BICRAL: variants seen among roughly 807,000 people sequenced by gnomAD.
BICRAL encodes BICRA like chromatin remodeling complex associated protein.
Under a neutral mutation model 91.8 loss-of-function variants are expected in BICRAL, and 8 were observed. That is an observed-to-expected ratio of 0.09 (90% confidence interval 0.05 to 0.16). BICRAL has a LOEUF of 0.16. BICRAL is among the 10% of genes least tolerant of loss of function. The pLI is 1.00. For synonymous variants in BICRAL, 445 were observed against 491.1 expected (o/e 0.91, Z 1.24); for missense variants, 1,038 against 1,310.9 (o/e 0.79, Z 3.21).
At chr6:42,841,627 T>C (rs1286525896) in intron 6 of BICRAL, among the ~76,000 whole-genome samples, 1 of 152,198 alleles carries the variant, frequency 6.6e-6, no homozygotes, top group Non-Finnish European at 1.5e-5. Flanking sequence ...TAGATGTTCT[T>C]GTTTTCTTCT....
chr6:42,852,390 G>A (rs781361079), intron 7 of BICRAL, 193 bp downstream of exon 7: 32 of 677,152 alleles, frequency 4.7e-5, no homozygotes, highest in South Asian at 3.2e-4. Context: ...GGCCGGGCAC[G>A]GTGGCTCACG....
chr6:42,828,369 C>G, intron 5 of BICRAL, 124 bp from the exon 6 acceptor site: 2 of 815,712 alleles, frequency 2.5e-6, no homozygotes, highest in Non-Finnish European at 3.7e-6. Flanking sequence ...CCACTGCACT[C>G]CAGCCTGGGT....
intron 6 of BICRAL, among the ~76,000 whole-genome samples, chr6:42,848,935 C>T (rs1765098651): frequency 2.6e-5 from 4 of 152,176 alleles, no homozygotes; most frequent in Admixed American, 2.6e-4. Context: ...GGGAACTTCC[C>T]ATACTACAGT....
At chr6:42,746,843 G>C (rs535793231), upstream of BICRAL, 2 of 152,346 alleles carry the variant, frequency 1.3e-5, no homozygotes, top group Admixed American at 1.3e-4. Flanking sequence ...ACTGCAACCT[G>C]GTTCGAGGGG....
chr6:42,807,219 T>A (rs1763733356), intron 1 of BICRAL, among the ~76,000 whole-genome samples: 1 of 152,046 alleles, frequency 6.6e-6, no homozygotes, highest in South Asian at 2.1e-4. Context: ...AGAGTCTCAC[T>A]GTCACCGAGG....
chr6:42,782,478 G>A lies in BICRAL; in HGVS notation c.-102+377G>A, dbSNP rs1037040220. Among the ~76,000 whole-genome samples the A allele has an allele frequency of 6.0e-5, 9 of 151,096 alleles. No homozygotes were observed. In the East Asian group the frequency reaches 1.8e-3, roughly 29 times the overall value. ...CCGGGAAGACCAAGTTCAGTGTCTC[G>A]GGCGGGGGCGCAGGCGGGCAGGGGG... On this transcript the variant is annotated intron_variant, in intron 1 of 12. Coordinates refer to ENST00000314073, the MANE Select transcript of BICRAL (RefSeq NM_001393499.1).
At chr6:42,858,650 T>G (rs1765461418) in intron 10 of BICRAL, among the ~76,000 whole-genome samples, 2 of 150,072 alleles carry the variant, frequency 1.3e-5, no homozygotes, top group South Asian at 4.2e-4. Context: ...AAACCCTGTG[T>G]CTACTAAAAA....
At chr6:42,752,718 C>G (rs1762398532) in intron 1 of BICRAL, among the ~76,000 whole-genome samples, 1 of 151,896 alleles carries the variant, frequency 6.6e-6, no homozygotes. Flanking sequence ...ATTATCCTGC[C>G]CCAGCCTCCT....
chr6:42,790,509 T>C (rs888253634), intron 1 of BICRAL, among the ~76,000 whole-genome samples: 9 of 135,140 alleles, frequency 6.7e-5, no homozygotes, highest in Admixed American at 1.4e-4. Context: ...TAATGTCAAA[T>C]GGAAGTATGT....
rs549215687 is a variant in BICRAL, at chr6:42,788,181, T to TAATCCAGA, written c.-102+6082_-102+6089dup. On this transcript the variant is annotated intron_variant, in intron 1 of 12. Coordinates refer to ENST00000314073, the MANE Select transcript of BICRAL (RefSeq NM_001393499.1). ...GAATATTTAATAGAGAAGGTGAGAC[T>TAATCCAGA]AATCCAGAAGAGAGACCAAGACTAC... Among the ~76,000 whole-genome samples the TAATCCAGA allele has an allele frequency of 4.3e-3, 643 of 150,558 alleles. 3 individuals carry two copies. Among genetic ancestry groups the TAATCCAGA allele is most frequent in the Non-Finnish European group, 7.3e-3 (491 of 67,702 alleles).
Position 42,862,537 on chromosome 6 carries a change from A to G in BICRAL, c.2377A>G (p.Met793Val), listed in dbSNP as rs1219758469. The change falls in exon 12 of 13, where the codon ATG (methionine) becomes GTG (valine). Residue 793 changes from methionine (M) to valine (V), a missense_variant. Coordinates refer to ENST00000314073, the MANE Select transcript of BICRAL (RefSeq NM_001393499.1). ...MRINPSAEMV[M>V]IDRMFNQEER... is the part of the protein sequence containing the mutation. ...AATCAATCCCTCTGCTGAGATGGTG[A>G]TGATCGATAGGATGTTCAACCAGGA... 1 of 1,610,554 alleles carries G rather than the reference A, an allele frequency of 6.2e-7. No individual in the cohort carries two copies. The highest frequency in any genetic ancestry group is 8.5e-7 in the Non-Finnish European group (1 of 1,176,826).
chr6:42,815,984 CAAAAAAAAA>C (rs746928245), intron 2 of BICRAL, among the ~76,000 whole-genome samples: 2,236 of 39,278 alleles, frequency 0.057, 52 homozygotes, highest in Non-Finnish European at 0.068. Context: ...AACTCTGTCT[CAAAAAAAAA>C]AAAAAAAAAA....
chr6:42,801,264 A>AAG (rs1204391781), intron 1 of BICRAL, among the ~76,000 whole-genome samples: 1 of 151,826 alleles, frequency 6.6e-6, no homozygotes, highest in East Asian at 1.9e-4. Flanking sequence ...AAAAAAAAAA[A>AAG]AAAGAGAGCG....
chr6:42,747,802 TTTG>T, intron 1 of BICRAL, among the ~76,000 whole-genome samples: 1 of 143,964 alleles, frequency 6.9e-6, no homozygotes, highest in Non-Finnish European at 1.5e-5. Flanking sequence ...TTTGTTTTAT[TTTG>T]TTTTTTTTTT....
intron 6 of BICRAL, among the ~76,000 whole-genome samples, chr6:42,851,470 A>C (rs900923641): frequency 1.3e-5 from 2 of 152,226 alleles, no homozygotes; most frequent in African/African-American, 2.4e-5. Flanking sequence ...ATAGAAAAGA[A>C]ACACACAACA....
chr6:42,819,428 G>A (rs1562477529), intron 2 of BICRAL, among the ~76,000 whole-genome samples: 1 of 152,084 alleles, frequency 6.6e-6, no homozygotes, highest in African/African-American at 2.4e-5. Flanking sequence ...TGGGACTACA[G>A]GCAAGTGCCA....
At chr6:42,746,635 T>C (rs926598231), upstream of BICRAL, among the ~76,000 whole-genome samples, 1 of 151,894 alleles carries the variant, frequency 6.6e-6, no homozygotes, top group Non-Finnish European at 1.5e-5. Flanking sequence ...GCCGCTTGCA[T>C]GCCTCCGGTT....
intron 1 of BICRAL, among the ~76,000 whole-genome samples, chr6:42,806,307 C>T (rs756403481): frequency 4.1e-4 from 62 of 152,122 alleles, no homozygotes; most frequent in Non-Finnish European, 7.9e-4. Flanking sequence ...AACCCAGATT[C>T]CAGATGAATC....
chr6:42,856,079 C>T (rs1765342077), intron 9 of BICRAL, among the ~76,000 whole-genome samples, 162 bp downstream of exon 9: 1 of 152,042 alleles, frequency 6.6e-6, no homozygotes, highest in South Asian at 2.1e-4. Context: ...GTAATCTCAG[C>T]ACTTTGGGAG....
Sources: allele counts gnomAD v4.1 joint callset (sites outside exome capture counted in the v4.1 genomes callset), GRCh38; gene constraint gnomAD v4.1.1; transcripts MANE v1.5; gene names NCBI Gene and HGNC (gene_info 2026-07-23, HGNC 2026-07-21).